TLK1: variants seen among roughly 807,000 people sequenced by gnomAD.
TLK1 encodes tousled like kinase 1.
In TLK1, 24 loss-of-function variants were observed where a neutral mutation model predicts 105.3. The observed-to-expected ratio is 0.23, with a 90% CI of 0.17 to 0.32. The LOEUF (loss-of-function observed/expected upper bound fraction) is 0.32. Ranked by LOEUF, TLK1 falls within the 10% of genes least tolerant of loss-of-function variation. TLK1 has a pLI of 1.00. For synonymous variants in TLK1, 321 were observed against 310.4 expected (o/e 1.03, Z -0.36); for missense variants, 558 against 910.5 (o/e 0.61, Z 4.98).
chr2:171,181,435 C>T (rs369714431), intron 1 of TLK1, among the ~76,000 whole-genome samples: 10 of 152,326 alleles, frequency 6.6e-5, no homozygotes, highest in African/African-American at 2.4e-4. Flanking sequence ...TCTACGTCCT[C>T]ATCTCAGTCC....
intron 1 of TLK1, among the ~76,000 whole-genome samples, chr2:171,132,651 A>G (rs1359868327): frequency 6.6e-6 from 1 of 152,238 alleles, no homozygotes; most frequent in East Asian, 1.9e-4. Flanking sequence ...GATGGCTGTT[A>G]GCCAGGTGCT....
chr2:171,043,672 G>C (rs559746224), intron 11 of TLK1, among the ~76,000 whole-genome samples: 1 of 152,298 alleles, frequency 6.6e-6, no homozygotes, highest in East Asian at 1.9e-4. Context: ...TAAAGGATGA[G>C]TGGACATATC....
chr2:171,078,019 T>C (rs1258059437), intron 3 of TLK1, among the ~76,000 whole-genome samples: 1 of 152,182 alleles, frequency 6.6e-6, no homozygotes, highest in Non-Finnish European at 1.5e-5. Context: ...GCCTTTTTAA[T>C]TAACACCTAT....
intron 1 of TLK1, among the ~76,000 whole-genome samples, chr2:171,133,307 G>GAC (rs1335547929): frequency 6.6e-6 from 1 of 152,182 alleles, no homozygotes; most frequent in Non-Finnish European, 1.5e-5. Context: ...AAGATTTGGT[G>GAC]ACAGACTGAA....
chr2:171,090,468 G>A (rs945406884), intron 2 of TLK1, among the ~76,000 whole-genome samples: 13 of 152,124 alleles, frequency 8.5e-5, no homozygotes, highest in African/African-American at 2.9e-4. Context: ...ACTGTGTTCA[G>A]TTTGTGAACA....
chr2:171,200,074 TC>T (rs1693369502), intron 1 of TLK1, among the ~76,000 whole-genome samples: 1 of 152,158 alleles, frequency 6.6e-6, no homozygotes, highest in Non-Finnish European at 1.5e-5. Context: ...AAGAGTTTTT[TC>T]CCCTGATTAA....
intron 1 of TLK1, among the ~76,000 whole-genome samples, chr2:171,196,399 G>A (rs1260928841): frequency 1.3e-5 from 2 of 152,192 alleles, no homozygotes; most frequent in Non-Finnish European, 2.9e-5. Context: ...TTACAGGCGT[G>A]AGCCACCACA....
At position 171,212,506 on chromosome 2, in the gene TLK1, C is replaced by G. The variant is rs115036070; in HGVS notation, c.-6+18639G>C. Among the ~76,000 whole-genome samples the G allele has an allele frequency of 1.9e-3, 292 of 152,200 alleles. 1 individual carries two copies. The highest frequency in any genetic ancestry group is 2.8e-3 in the Non-Finnish European group (190 of 68,020). ...AAATAAGGGACATCATTTTAGACGT[C>G]CTTTATCAATGTCAGTGGAGTCTAA... is the stretch of plus-strand genomic sequence containing the variant. On this transcript the variant is annotated intron_variant, in intron 1 of 20. Coordinates refer to the TLK1 transcript ENST00000521943.
At chr2:171,011,867 C>A (rs1684931826) in intron 13 of TLK1, among the ~76,000 whole-genome samples, 1 of 151,838 alleles carries the variant, frequency 6.6e-6, no homozygotes, top group African/African-American at 2.4e-5. Flanking sequence ...TATAAACTGG[C>A]CTTCATCATT....
At chr2:171,059,610 C>A (rs1991370) in intron 4 of TLK1, among the ~76,000 whole-genome samples, 1 of 151,846 alleles carries the variant, frequency 6.6e-6, no homozygotes, top group African/African-American at 2.4e-5. Context: ...TCTGTTGGTC[C>A]TAACTAGTTT....
chr2:171,201,803 A>C lies in TLK1; in HGVS notation c.-6+29342T>G, dbSNP rs187674763. ...CTCTGCAGGTCTTTACTACAGCTCGATGTGACCAACTGGAGAGGGCAGTGA... is the reference window on the plus strand; with the variant it reads ...CTCTGCAGGTCTTTACTACAGCTCGCTGTGACCAACTGGAGAGGGCAGTGA... On this transcript the variant is annotated intron_variant, in intron 1 of 20. Coordinates refer to the TLK1 transcript ENST00000521943. Among the ~76,000 whole-genome samples, 51 of 152,290 alleles carry C rather than the reference A, an allele frequency of 3.3e-4. 1 individual carries two copies. Among genetic ancestry groups the C allele is most frequent in the Middle Eastern group, 3.4e-3 (1 of 292 alleles).
chr2:171,179,447 A>G (rs1367536234), intron 1 of TLK1, among the ~76,000 whole-genome samples: 2 of 152,218 alleles, frequency 1.3e-5, no homozygotes, highest in African/African-American at 4.8e-5. Context: ...TTTGTCCTCT[A>G]GAGAGCTTTC....
chr2:171,022,877 G>T, intron 12 of TLK1: 1 of 288,494 alleles, frequency 3.5e-6, no homozygotes, highest in Non-Finnish European at 7.0e-6. Flanking sequence ...TTCACCTAAA[G>T]CCAACGCCCT....
chr2:171,204,651 G>A (rs1693468190), intron 1 of TLK1, among the ~76,000 whole-genome samples: 1 of 151,854 alleles, frequency 6.6e-6, no homozygotes, highest in South Asian at 2.1e-4. Flanking sequence ...AAAAATCTAC[G>A]TATTTTATAT....
intron 14 of TLK1, among the ~76,000 whole-genome samples, chr2:171,007,690 A>G (rs1684711618): frequency 6.6e-6 from 1 of 152,044 alleles, no homozygotes; most frequent in Non-Finnish European, 1.5e-5. Context: ...CTTCCCAACC[A>G]GAGTATTATT....
At chr2:170,994,297 T>C (rs1336912832) in intron 20 of TLK1, among the ~76,000 whole-genome samples, 2 of 152,206 alleles carry the variant, frequency 1.3e-5, no homozygotes, top group Non-Finnish European at 2.9e-5. Flanking sequence ...CATTTTGTTA[T>C]CACTTCAGTT....
chr2:171,030,609 T>C (rs1369151633), intron 11 of TLK1, among the ~76,000 whole-genome samples: 1 of 152,228 alleles, frequency 6.6e-6, no homozygotes, highest in Non-Finnish European at 1.5e-5. Flanking sequence ...TACAGGTTTA[T>C]GCCACTGGTG....
At chr2:171,226,471 T>C (rs1693898196) in intron 1 of TLK1, among the ~76,000 whole-genome samples, 1 of 152,146 alleles carries the variant, frequency 6.6e-6, no homozygotes, top group Non-Finnish European at 1.5e-5. Context: ...AACAGGGTAA[T>C]GAGGGCCATG....
chr2:171,132,272 CG>C (rs1558959860), intron 1 of TLK1, among the ~76,000 whole-genome samples: 1 of 152,140 alleles, frequency 6.6e-6, no homozygotes, highest in Non-Finnish European at 1.5e-5. Context: ...AACTCACTAT[CG>C]GGAGGAGACC....
Sources: gnomAD v4.1 joint callset for allele counts (sites outside exome capture counted in the v4.1 genomes callset) on GRCh38, gnomAD v4.1.1 for gene constraint, MANE v1.5 for transcripts, NCBI Gene and HGNC (gene_info 2026-07-23, HGNC 2026-07-21) for gene names.